The following KLKB1 variants were observed in gnomAD, a reference collection of about 807,000 sequenced individuals.
The protein encoded by KLKB1 is kallikrein B1, also known as plasma kallikrein.
Under a neutral mutation model 73.6 loss-of-function variants are expected in KLKB1, and 58 were observed. The ratio of observed to expected loss-of-function variants is 0.79; its 90% confidence interval spans 0.64 to 0.98. The LOEUF (loss-of-function observed/expected upper bound fraction) is 0.98. Among genes scored for constraint, KLKB1 ranks in the 50% least tolerant of loss-of-function variants. The probability of loss-of-function intolerance (pLI) is 0.00; values close to 1 mark genes in which losing one functional copy is unlikely to be tolerated. For synonymous variants in KLKB1, 280 were observed against 258.1 expected (o/e 1.08, Z -0.81); for missense variants, 737 against 763.8 (o/e 0.96, Z 0.41).
At chr4:186,257,666 T>C (rs1739075203) in intron 14 of KLKB1, among the ~76,000 whole-genome samples, 1 of 152,106 alleles carries the variant, frequency 6.6e-6, no homozygotes, top group African/African-American at 2.4e-5. Flanking sequence ...GATTTCTTTG[T>C]TAGATTTATT....
Position 186,258,306 on chromosome 4 carries a change from A to G in KLKB1, c.*94A>G, listed in dbSNP as rs1010036555. ...TCATCTGCAAAGCATGGAGAGTGGC[A>G]TCTTCTTTGCATCCTAAGGACGAAA... On this transcript the variant is annotated 3_prime_UTR_variant, in exon 15 of 15. Transcript: ENST00000264690. 2.8e-6 allele frequency: 3 copies of G among 1,057,692 alleles called. No homozygotes were observed. Among genetic ancestry groups the G allele is most frequent in the Non-Finnish European group, 2.9e-6 (2 of 697,052 alleles). 65.5% of individuals were successfully genotyped at this position (1,057,692 alleles called of 1,614,324 possible). A position where few individuals can be genotyped will look rare whatever the true frequency, so the allele number is the denominator to read the frequency against.
intron 14 of KLKB1, among the ~76,000 whole-genome samples, chr4:186,257,754 T>TGA (rs1739086670): frequency 8.8e-6 from 1 of 113,012 alleles, no homozygotes; most frequent in South Asian, 2.6e-4. Context: ...AGTGTGTGTG[T>TGA]GTGTGTGTGT....
chr4:186,253,607 A>G (rs778223862), intron 11 of KLKB1, among the ~76,000 whole-genome samples: 1 of 149,116 alleles, frequency 6.7e-6, no homozygotes, highest in Non-Finnish European at 1.5e-5. Flanking sequence ...TTCATTGCAA[A>G]TAAAAAAAGG....
chr4:186,221,684 G>C (rs1289634156), upstream of KLKB1, among the ~76,000 whole-genome samples: 3 of 152,058 alleles, frequency 2.0e-5, no homozygotes, highest in African/African-American at 7.2e-5. Context: ...CCTTAAATTT[G>C]TTAAGATGTT....
At chr4:186,232,679 G>A (rs1029489782) in intron 3 of KLKB1, among the ~76,000 whole-genome samples, 6 of 152,310 alleles carry the variant, frequency 3.9e-5, no homozygotes, top group Non-Finnish European at 5.9e-5. Flanking sequence ...CACATTAGCG[G>A]ATAGCACAGT....
chr4:186,254,813 TTTTC>T, intron 12 of KLKB1, 50 bp downstream of exon 12: 1 of 1,498,106 alleles, frequency 6.7e-7, no homozygotes, highest in Non-Finnish European at 9.3e-7. Flanking sequence ...CTGGTTGATA[TTTTC>T]ATATCAGTTT....
chr4:186,236,899 T>C lies in KLKB1; in HGVS notation c.447T>C (p.Phe149=), dbSNP rs780596045. 8.1e-6 allele frequency: 13 copies of C among 1,614,130 alleles called. No individual in the cohort carries two copies. Among genetic ancestry groups the C allele is most frequent in the Non-Finnish European group, 1.1e-5 (13 of 1,180,022 alleles). ...KRCTSNIRCQ[F]FSYATQTFHK... is the part of the protein sequence containing the mutation. ...GCACCAGTAACATTCGCTGCCAGTT[T>C]TTTTCATATGCCACGCAAACATTTC... The change falls in exon 5 of 15, where the codon TTT becomes TTC. Residue 149 remains phenylalanine, a synonymous_variant. Coordinates refer to ENST00000264690, the MANE Select transcript of KLKB1 (RefSeq NM_000892.5).
At chr4:186,253,368 C>T (rs1400183532) in intron 11 of KLKB1, among the ~76,000 whole-genome samples, 1 of 152,144 alleles carries the variant, frequency 6.6e-6, no homozygotes, top group East Asian at 1.9e-4. Flanking sequence ...GTCGGTGGTA[C>T]ATGTGGGTGG....
intron 11 of KLKB1, among the ~76,000 whole-genome samples, chr4:186,254,081 C>T (rs4253314): frequency 0.1 from 15,871 of 152,272 alleles, 920 homozygotes; most frequent in South Asian, 0.2. Context: ...GATCCACCCA[C>T]CTCGGCCTCC....
At chr4:186,226,958 C>T (rs1379722155), upstream of KLKB1, among the ~76,000 whole-genome samples, 1 of 152,060 alleles carries the variant, frequency 6.6e-6, no homozygotes, top group East Asian at 1.9e-4. Context: ...AGGGGCTGAC[C>T]TGGTCTGGGG....
upstream of KLKB1, among the ~76,000 whole-genome samples, chr4:186,225,361 A>T (rs1180402474): frequency 6.6e-6 from 1 of 150,418 alleles, no homozygotes; most frequent in Non-Finnish European, 1.5e-5. Flanking sequence ...CTTCCCTTGT[A>T]TGTGAAGAAT....
chr4:186,231,336 C>G, intron 2 of KLKB1, among the ~76,000 whole-genome samples: 1 of 152,122 alleles, frequency 6.6e-6, no homozygotes, highest in East Asian at 1.9e-4. Flanking sequence ...CCCGGTAAAT[C>G]CAAATTTACA....
At chr4:186,232,493 A>G (rs1441027520) in intron 3 of KLKB1, among the ~76,000 whole-genome samples, 1 of 152,214 alleles carries the variant, frequency 6.6e-6, no homozygotes, top group Admixed American at 6.5e-5. Context: ...TGTGACCAGG[A>G]ATCTGCATTT....
intron 6 of KLKB1, among the ~76,000 whole-genome samples, chr4:186,240,392 A>C (rs528179778): frequency 6.6e-6 from 1 of 152,256 alleles, no homozygotes; most frequent in Admixed American, 6.5e-5. Flanking sequence ...TTATAGGTAC[A>C]GTGATGTTGT....
intron 2 of KLKB1, chr4:186,212,065 G>C (rs184600205): frequency 6.6e-6 from 1 of 152,194 alleles, no homozygotes; most frequent in Non-Finnish European, 1.5e-5. Flanking sequence ...TTATAAGTAA[G>C]GGAATAGAAT....
Position 186,228,164 on chromosome 4 carries a change from C to T in KLKB1, c.-1-31C>T. 3 of 1,245,954 alleles carry T rather than the reference C, an allele frequency of 2.4e-6. No individual in the cohort carries two copies. The South Asian group carries it at 3.6e-5, about 15-fold the overall frequency. 77.2% of individuals were successfully genotyped at this position (1,245,954 alleles called of 1,614,324 possible). A position where few individuals can be genotyped will look rare whatever the true frequency, so the allele number is the denominator to read the frequency against. ...ATTTATGTTAAATGTGGTCTAAAAC[C>T]AGCAGAGTTATGTATTGTTTTCTTT... On this transcript the variant is annotated intron_variant, in intron 1 of 14. Transcript: ENST00000264690.
intron 14 of KLKB1, 85 bp downstream of exon 14, chr4:186,257,450 A>G (rs934695635): frequency 8.8e-6 from 11 of 1,244,138 alleles, no homozygotes; most frequent in Non-Finnish European, 1.2e-5. Context: ...TAATTCAATC[A>G]TAGTTTTTAA....
In KLKB1 at chr4:186,218,736, C is replaced by T. The variant is rs76776312; in HGVS notation, c.201+9464C>T. Among the ~76,000 whole-genome samples, 1,354 of 152,036 alleles carry T rather than the reference C, an allele frequency of 8.9e-3. 17 individuals carry two copies. Among genetic ancestry groups the T allele is most frequent in the Middle Eastern group, 0.031 (9 of 294 alleles). ...GATACAGTATTATGAACTATAGTCA[C>T]CATGTTTGCATTAGTCAGGGTTCTC... On this transcript the variant is annotated intron_variant, in intron 2 of 14. Coordinates refer to the KLKB1 transcript ENST00000511608.
intron 11 of KLKB1, among the ~76,000 whole-genome samples, chr4:186,253,984 C>T (rs531474336): frequency 1.1e-3 from 169 of 152,134 alleles, no homozygotes; most frequent in African/African-American, 3.6e-3. Flanking sequence ...TACAGGCGCG[C>T]GCCACACCTG....
Sources: gnomAD v4.1 joint callset for allele counts (sites outside exome capture counted in the v4.1 genomes callset) on GRCh38, gnomAD v4.1.1 for gene constraint, MANE v1.5 for transcripts, NCBI Gene and HGNC (gene_info 2026-07-23, HGNC 2026-07-21) for gene names.